The following AFF2 variants were observed in gnomAD, a reference collection of about 807,000 sequenced individuals.
AFF2 encodes the protein AF4/FMR2 family member 2.
AFF2 carries 14 observed loss-of-function variants against 76.9 expected under a neutral mutation model. The ratio of observed to expected loss-of-function variants is 0.18; its 90% CI spans 0.12 to 0.28. The LOEUF (loss-of-function observed/expected upper bound fraction) is 0.28. Ranked by LOEUF, AFF2 falls within the 10% of genes least tolerant of loss-of-function variation. The pLI, the probability that AFF2 is intolerant of heterozygous loss-of-function variation, is 1.00. For missense variants in AFF2, 868 were observed against 1,001.1 expected (o/e 0.87, Z 1.79); for synonymous variants, 398 against 366.7 (o/e 1.09, Z -0.98).
chrX:148,945,825 T>A (rs1484593859), intron 9 of AFF2, among the ~76,000 whole-genome samples: 1 of 112,259 alleles, frequency 8.9e-6, no homozygotes, highest in Non-Finnish European at 1.9e-5. Context: ...AAGGTGACAC[T>A]CAAAAGCAGA....
chrX:148,638,277 C>T (rs1001888084), intron 1 of AFF2, among the ~76,000 whole-genome samples: 4 of 111,270 alleles, frequency 3.6e-5, no homozygotes, highest in South Asian at 3.8e-4. Context: ...CTCACAGTTT[C>T]GCATGACAGG....
At chrX:148,672,472 AG>A (rs1705288489) in intron 3 of AFF2, among the ~76,000 whole-genome samples, 1 of 111,960 alleles carries the variant, frequency 8.9e-6, no homozygotes, top group Non-Finnish European at 1.9e-5. Context: ...CCAGGCTTTT[AG>A]TGATACTTCC....
chrX:148,893,809 A>G (rs2071251075), intron 8 of AFF2, among the ~76,000 whole-genome samples: 1 of 111,847 alleles, frequency 8.9e-6, no homozygotes, highest in Non-Finnish European at 1.9e-5. Flanking sequence ...GAGAGCAGCC[A>G]CCTCTGGAAA....
At chrX:148,733,264 A>G (rs1470010236) in intron 3 of AFF2, among the ~76,000 whole-genome samples, 1 of 111,420 alleles carries the variant, frequency 9.0e-6, no homozygotes, top group African/African-American at 3.3e-5. Context: ...ATTGTCATTC[A>G]TTTATTTATT....
chrX:148,947,924 G>A (rs1453432346), intron 9 of AFF2, among the ~76,000 whole-genome samples: 1 of 112,524 alleles, frequency 8.9e-6, no homozygotes, highest in African/African-American at 3.2e-5. Context: ...AGAGTTTCAT[G>A]TAGGACTCTC....
At chrX:148,507,933 G>A (rs1352133999) in intron 1 of AFF2, among the ~76,000 whole-genome samples, 6 of 112,071 alleles carry the variant, frequency 5.4e-5, no homozygotes, top group African/African-American at 1.9e-4. Context: ...ATGGGATGCT[G>A]TTTTTCAAAC....
intron 1 of AFF2, among the ~76,000 whole-genome samples, chrX:148,642,476 G>C (rs1347470426): frequency 8.9e-6 from 1 of 112,500 alleles, no homozygotes; most frequent in Admixed American, 9.4e-5. Flanking sequence ...AAGCCAGAAG[G>C]TTATATTAAG....
intron 3 of AFF2, among the ~76,000 whole-genome samples, chrX:148,701,467 AGGGAATTTATATAATG>A (rs2054799335): frequency 8.9e-6 from 1 of 112,022 alleles, no homozygotes; most frequent in Non-Finnish European, 1.9e-5. Flanking sequence ...CAAAATTTCC[AGGGAATTTATATAATG>A]TCCAAATGAG....
At chrX:148,690,898 T>C (rs1323179627) in intron 3 of AFF2, among the ~76,000 whole-genome samples, 1 of 111,819 alleles carries the variant, frequency 8.9e-6, no homozygotes, top group Non-Finnish European at 1.9e-5. Context: ...CCTTGGCTTG[T>C]AGATGGCCAC....
intron 7 of AFF2, among the ~76,000 whole-genome samples, chrX:148,861,226 G>A (rs1180788640): frequency 1.8e-5 from 2 of 111,683 alleles, no homozygotes; most frequent in Non-Finnish European, 3.8e-5. Flanking sequence ...TTCCTTGGAA[G>A]CTTAGGCTAT....
intron 1 of AFF2, among the ~76,000 whole-genome samples, chrX:148,539,799 T>C (rs782363862): frequency 2.7e-4 from 30 of 111,339 alleles, no homozygotes; most frequent in Non-Finnish European, 4.5e-4. Flanking sequence ...CTAGATTTAG[T>C]AAGCCCTACT....
intron 1 of AFF2, among the ~76,000 whole-genome samples, chrX:148,628,351 A>T (rs2053948435): frequency 9.0e-6 from 1 of 111,632 alleles, no homozygotes; most frequent in Admixed American, 9.6e-5. Flanking sequence ...CAACAATGTC[A>T]AATACTGTGG....
chrX:148,859,763 A>G (rs1557276240), intron 7 of AFF2, among the ~76,000 whole-genome samples: 2 of 111,698 alleles, frequency 1.8e-5, no homozygotes, highest in East Asian at 5.6e-4. Flanking sequence ...CTGACATGCC[A>G]AGCAGTATTC....
At chrX:148,881,925 G>T (rs782127856) in intron 7 of AFF2, among the ~76,000 whole-genome samples, 2 of 110,650 alleles carry the variant, frequency 1.8e-5, no homozygotes, top group South Asian at 3.9e-4. Flanking sequence ...GATTCAAAAG[G>T]TCTTATTTAC....
intron 7 of AFF2, among the ~76,000 whole-genome samples, chrX:148,879,994 G>A (rs889548844): frequency 1.8e-5 from 2 of 112,126 alleles, no homozygotes; most frequent in African/African-American, 3.2e-5. Context: ...TCAGGCCCAC[G>A]TGCCCATGGC....
At position 148,919,728 on chromosome X, in the gene AFF2, G is replaced by C. The variant is rs193188077; in HGVS notation, c.1397+15470G>C. ...TTGGTTAATAGAGCTACCACATATA[G>C]AGAGAATGATTTTCAAGGAATTAGA... On this transcript the variant is annotated intron_variant, in intron 9 of 20. Transcript: ENST00000370460. Among the ~76,000 whole-genome samples the C allele has an allele frequency of 2.0e-3, 219 of 110,922 alleles. 1 individual carries two copies. Among genetic ancestry groups the C allele is most frequent in the Non-Finnish European group, 2.0e-3 (106 of 52,832 alleles).
intron 4 of AFF2, among the ~76,000 whole-genome samples, chrX:148,832,243 C>A (rs1201923992): frequency 8.9e-6 from 1 of 112,045 alleles, no homozygotes; most frequent in Non-Finnish European, 1.9e-5. Flanking sequence ...AAGTCAGACA[C>A]CAAGGTTAGT....
chrX:148,693,925 T>C (rs1475590818), intron 3 of AFF2, among the ~76,000 whole-genome samples: 1 of 111,318 alleles, frequency 9.0e-6, no homozygotes, highest in Non-Finnish European at 1.9e-5. Flanking sequence ...AACCCAAATG[T>C]CCAACAATGA....
chrX:148,966,674 T>C (rs2072177543), intron 13 of AFF2, 116 bp from the exon 14 acceptor site: 1 of 1,027,740 alleles, frequency 9.7e-7, no homozygotes, highest in South Asian at 2.3e-5. Flanking sequence ...CATTGTTTTC[T>C]TTCTTTTTTT....
Sources: gnomAD v4.1 joint callset for allele counts (sites outside exome capture counted in the v4.1 genomes callset) on GRCh38, gnomAD v4.1.1 for gene constraint, MANE v1.5 for transcripts, NCBI Gene and HGNC (gene_info 2026-07-23, HGNC 2026-07-21) for gene names.